AKT1S1: variants seen among roughly 807,000 people sequenced by gnomAD.
The protein encoded by AKT1S1 is proline-rich AKT1 substrate 1.
Under a neutral mutation model 21.2 loss-of-function variants are expected in AKT1S1, and 17 were observed. That is an observed-to-expected ratio of 0.80 (90% CI 0.55 to 1.20). The LOEUF is 1.20. AKT1S1 is among the 50% of genes most tolerant of loss of function. The pLI is 0.00. For synonymous variants in AKT1S1, 181 were observed against 165.6 expected, an observed-to-expected ratio of 1.09 and a Z score of -0.72; for missense variants, 366 against 368.3, an observed-to-expected ratio of 0.99 and a Z score of 0.05.
chr19:49,877,835 A>C, upstream of AKT1S1: 1 of 1,446,318 alleles, frequency 6.9e-7, no homozygotes, highest in Non-Finnish European at 9.4e-7. Context: ...GCTCTCGAGA[A>C]TCCGGCACGG....
chr19:49,878,190 G>A (rs1483862798), upstream of AKT1S1: 2 of 1,574,556 alleles, frequency 1.3e-6, no homozygotes, highest in Non-Finnish European at 1.7e-6. Context: ...GCGCTAAGAA[G>A]TATCAGGACC....
chr19:49,876,074 G>A lies in AKT1S1; in HGVS notation c.-8+1163C>T, dbSNP rs114281784. On this transcript the variant is annotated intron_variant, in intron 1 of 4. Coordinates refer to ENST00000344175, the MANE Select transcript of AKT1S1 (RefSeq NM_001098633.4). ...GAAAAGAGCTAAGGAGGAGAGGGGTGGAACCACCCCTCCTGTCGAAATTTT... is the reference window on the plus strand; with the variant it reads ...GAAAAGAGCTAAGGAGGAGAGGGGTAGAACCACCCCTCCTGTCGAAATTTT... 3.2e-4 allele frequency: 316 copies of A among 985,914 alleles called. No individual in the cohort carries two copies. The African/African-American group carries it at 5.2e-3, about 16-fold the overall frequency. 61.1% of individuals were successfully genotyped at this position (985,914 alleles called of 1,614,324 possible).
At chr19:49,876,556 G>A (rs957784066) in intron 1 of AKT1S1, 1 of 1,479,102 alleles carries the variant, frequency 6.8e-7, no homozygotes, top group Non-Finnish European at 9.0e-7. Context: ...GCCTCAGGAC[G>A]GCCAAATCCT....
chr19:49,871,678 TGGG>T lies in AKT1S1; in HGVS notation c.493_495del (p.Pro165del). ...GCTGAGGCTGGGGGCACTGAGCAGG[TGGG>T]GGGGCCGGCGGGGGTCTCCTCGCTC... On this transcript the variant is annotated inframe_deletion, in exon 4 of 5. Transcript: ENST00000344175. The T allele has an allele frequency of 6.2e-7, 1 of 1,612,086 alleles. No individual in the cohort carries two copies. The highest frequency in any genetic ancestry group is 2.2e-5 in the East Asian group (1 of 44,854).
chr19:49,877,044 A>T (rs146821375), intron 1 of AKT1S1, 193 bp downstream of exon 1: 81 of 212,838 alleles, frequency 3.8e-4, no homozygotes, highest in African/African-American at 1.8e-3. Context: ...TTCGGCACGA[A>T]GGCTGGCAAA....
intron 1 of AKT1S1, chr19:49,876,608 C>T: frequency 2.0e-6 from 3 of 1,531,936 alleles, no homozygotes; most frequent in African/African-American, 1.4e-5. Context: ...CTCACGTGCC[C>T]GTAGCCAGCA....
rs749255257 is a variant in AKT1S1 at position 49,873,108 on chromosome 19, T to C, written c.188A>G (p.His63Arg). The C allele has an allele frequency of 1.6e-5, 24 of 1,546,236 alleles. No homozygotes were observed. In the East Asian group the frequency reaches 5.6e-4, roughly 36 times the overall value. ...AGCCCTGTGGGCCAGTGCGATGTCG[T>C]GGAGGCAACGGCGCGCTGCCTCCGC... ...ALAEAARRCLHDIALAHRAAT... is the reference protein window; with the variant it reads ...ALAEAARRCLRDIALAHRAAT... Residue 63 changes from histidine (H) to arginine (R), a missense_variant, in exon 2 of 5, where the codon CAC becomes CGC. Physicochemically the swap from His to Arg is conservative, Grantham distance 29. Transcript: ENST00000344175. This position sits in a 1 kb window ranked among gnomAD's most constrained non-coding sequence, Gnocchi z 6.9.
rs1184929168 is a variant in AKT1S1, at chr19:49,873,624, A to G, written c.-7-322T>C. ...AACAGGGAGTACTGGAAAGGCAGGG[A>G]GTCCTAGCAGAGAGTCCTAGCAGAG... On this transcript the variant is annotated intron_variant, in intron 1 of 4. Coordinates refer to ENST00000344175, the MANE Select transcript of AKT1S1 (RefSeq NM_001098633.4). This position sits in a 1 kb window ranked among gnomAD's most constrained non-coding sequence, Gnocchi z 6.9. 6 of 343,844 alleles carry G rather than the reference A, an allele frequency of 1.7e-5. No homozygotes were observed. Among genetic ancestry groups the G allele is most frequent in the Non-Finnish European group, 3.2e-5 (6 of 190,286 alleles). 21.3% of individuals were successfully genotyped at this position (343,844 alleles called of 1,614,324 possible). A position where few individuals can be genotyped will look rare whatever the true frequency, so the allele number is the denominator to read the frequency against.
chr19:49,877,482 C>G (rs888252116), upstream of AKT1S1: 2 of 515,358 alleles, frequency 3.9e-6, no homozygotes, highest in African/African-American at 3.9e-5. Flanking sequence ...AGGGCGAACA[C>G]TGCGCCTGCG....
At chr19:49,877,874 G>A, upstream of AKT1S1, 1 of 1,173,684 alleles carries the variant, frequency 8.5e-7, no homozygotes, top group African/African-American at 1.5e-5. Flanking sequence ...TCTTATAAAC[G>A]CGCCGTCACC....
At position 49,873,510 on chromosome 19, in the gene AKT1S1, G is replaced by GC. The variant is rs2074909513; in HGVS notation, c.-7-209dup. On this transcript the variant is annotated intron_variant, in intron 1 of 4. Coordinates refer to ENST00000344175, the MANE Select transcript of AKT1S1 (RefSeq NM_001098633.4). This position sits in a 1 kb window ranked among gnomAD's most constrained non-coding sequence, Gnocchi z 6.9. Reference sequence around the variant, plus strand: ...GGCCCAGACCCTGGCGACGTCCTCTGCCCCAACCCATTCCTCCTGCCCCAA... The same window carrying GC: ...GGCCCAGACCCTGGCGACGTCCTCTGCCCCCAACCCATTCCTCCTGCCCCAA... The GC allele has an allele frequency of 1.1e-6, 1 of 930,800 alleles. No homozygotes were observed. 57.7% of individuals were successfully genotyped at this position (930,800 alleles called of 1,614,324 possible).
chr19:49,871,280 C>T lies in AKT1S1; in HGVS notation c.627+267G>A, dbSNP rs563401757. Among the ~76,000 whole-genome samples, 6 of 152,338 alleles carry T rather than the reference C, an allele frequency of 3.9e-5. 1 individual carries two copies. Among genetic ancestry groups the T allele is most frequent in the African/African-American group, 1.4e-4 (6 of 41,588 alleles). On this transcript the variant is annotated intron_variant, in intron 4 of 4. Transcript: ENST00000344175. Reference sequence around the variant, plus strand: ...TTCTCCACTGGAGGGCATGCCAAAACACCTGTGCCTTGCCCAGAGCAGGTG... The same window carrying T: ...TTCTCCACTGGAGGGCATGCCAAAATACCTGTGCCTTGCCCAGAGCAGGTG...
At chr19:49,871,991 C>T in intron 2 of AKT1S1, 102 bp from the exon 3 acceptor site, 1 of 1,207,086 alleles carries the variant, frequency 8.3e-7, no homozygotes, top group Non-Finnish European at 1.2e-6. Flanking sequence ...ACCACCTCCA[C>T]CTCCCTGAAG....
chr19:49,878,227 C>A, upstream of AKT1S1: 1 of 1,558,874 alleles, frequency 6.4e-7, no homozygotes, highest in Non-Finnish European at 8.7e-7. Context: ...TGGTGTCATC[C>A]GTGTCGTGGA....
rs371210385 is a variant in AKT1S1 at position 49,872,897 on chromosome 19, C to T, written c.379+20G>A. The T allele has an allele frequency of 6.3e-6, 10 of 1,590,812 alleles. No individual in the cohort carries two copies. Among genetic ancestry groups the T allele is most frequent in the Non-Finnish European group, 8.5e-6 (10 of 1,175,114 alleles). On this transcript the variant is annotated intron_variant, in intron 2 of 4. Transcript: ENST00000344175. Reference sequence around the variant, plus strand: ...ACCTCAAGCGCTGGGCCGCACCCGCCCCTGCCCCCACCCTCTCACCTCCAT... The same window carrying T: ...ACCTCAAGCGCTGGGCCGCACCCGCTCCTGCCCCCACCCTCTCACCTCCAT...
chr19:49,878,037 C>T, upstream of AKT1S1: 2 of 963,604 alleles, frequency 2.1e-6, no homozygotes, highest in East Asian at 2.7e-5. Flanking sequence ...ATGGCCCTCC[C>T]GGCCCCGCCC....
At chr19:49,870,545 T>C (rs971097633) in intron 4 of AKT1S1, among the ~76,000 whole-genome samples, 3 of 152,174 alleles carry the variant, frequency 2.0e-5, no homozygotes, top group Admixed American at 2.0e-4. Flanking sequence ...GTTACTGCCT[T>C]ATCATGTGGC....
At chr19:49,876,488 T>A in intron 1 of AKT1S1, 1 of 1,268,942 alleles carries the variant, frequency 7.9e-7, no homozygotes, top group Non-Finnish European at 1.0e-6. Context: ...ACCTCTGCCC[T>A]CTGATCTGTG....
At position 49,877,238 on chromosome 19, in the gene AKT1S1, T is replaced by G. The variant is rs1057448655; in HGVS notation, c.-9A>C. ...CTTGTGGTGTACAGCTCCTCTCACCTCCTCTTCTCTTATCCGTTCGGCTCT... is the reference window on the plus strand; with the variant it reads ...CTTGTGGTGTACAGCTCCTCTCACCGCCTCTTCTCTTATCCGTTCGGCTCT... On this transcript the variant is annotated splice_region_variant and 5_prime_UTR_variant, in exon 1 of 5. Transcript: ENST00000344175. The G allele has an allele frequency of 6.0e-6, 1 of 165,668 alleles. No homozygotes were observed. The highest frequency in any genetic ancestry group is 1.3e-5 in the Non-Finnish European group (1 of 76,292). The allele number at this position is 165,668 out of a possible 1,614,324, so 10.3% of individuals were successfully genotyped here. A position where few individuals can be genotyped will look rare whatever the true frequency, so the allele number is the denominator to read the frequency against.
Sources: allele counts gnomAD v4.1 joint callset (sites outside exome capture counted in the v4.1 genomes callset), GRCh38; gene constraint gnomAD v4.1.1; non-coding constraint Gnocchi (gnomAD v3.1); transcripts MANE v1.5; gene names NCBI Gene and HGNC (gene_info 2026-07-23, HGNC 2026-07-21).